The following SDK1 variants were observed in gnomAD, a reference collection of about 807,000 sequenced individuals.
SDK1 encodes the protein sidekick cell adhesion molecule 1.
A neutral mutation model predicts 245.5 loss-of-function variants in SDK1; 157 were observed. The ratio of observed to expected loss-of-function variants is 0.64; its 90% CI spans 0.56 to 0.73. SDK1 has a LOEUF of 0.73. Among genes scored for constraint, SDK1 ranks in the 30% least tolerant of loss-of-function variants. The pLI is 0.00. For synonymous variants in SDK1, 1,647 were observed against 1,278.5 expected, an observed-to-expected ratio of 1.29 and a Z score of -6.15; for missense variants, 3,583 against 3,002.3, an observed-to-expected ratio of 1.19 and a Z score of -4.52.
At chr7:4,051,600 TG>T in intron 18 of SDK1, 37 bp from the exon 19 acceptor site, 2 of 1,578,114 alleles carry the variant, frequency 1.3e-6, no homozygotes, top group Non-Finnish European at 1.7e-6. Context: ...GAAATGCCAT[TG>T]AAAACAGGCT....
rs146799752 is a variant in SDK1 at position 4,037,323 on chromosome 7, A to G, written c.2603-12025A>G. Among the ~76,000 whole-genome samples the G allele has an allele frequency of 4.5e-4, 69 of 152,292 alleles. No homozygotes were observed. The East Asian group carries it at 0.012, about 27-fold the overall frequency. ...GTGTAGCGTGAGTCTGAATCTCTCA[A>G]AAGAAATTCTTGGGCTAGGCATGGT... On this transcript the variant is annotated intron_variant, in intron 17 of 44. Coordinates refer to ENST00000404826, the MANE Select transcript of SDK1 (RefSeq NM_152744.4).
chr7:4,145,141 T>G (rs1779872027), intron 28 of SDK1, among the ~76,000 whole-genome samples: 1 of 152,068 alleles, frequency 6.6e-6, no homozygotes, highest in African/African-American at 2.4e-5. Flanking sequence ...TAAGCAGAGC[T>G]GCCCTGGCGG....
intron 1 of SDK1, among the ~76,000 whole-genome samples, chr7:3,305,661 T>A (rs181335419): frequency 6.7e-4 from 102 of 152,358 alleles, no homozygotes; most frequent in Non-Finnish European, 1.3e-3. Flanking sequence ...AATATCATCT[T>A]AATAAAGAGT....
chr7:3,972,740 C>G (rs560168358), intron 12 of SDK1, among the ~76,000 whole-genome samples: 17 of 152,278 alleles, frequency 1.1e-4, no homozygotes, highest in African/African-American at 3.8e-4. Context: ...CGCGGAGACT[C>G]GGCTGTTCTC....
chr7:3,465,089 A>C, intron 1 of SDK1, among the ~76,000 whole-genome samples: 1 of 152,168 alleles, frequency 6.6e-6, no homozygotes, highest in East Asian at 1.9e-4. Context: ...TGGTGGGGCT[A>C]ATCCGTAAGT....
chr7:3,967,132 C>T (rs1196255106), intron 9 of SDK1, among the ~76,000 whole-genome samples, 186 bp from the exon 10 acceptor site: 1 of 152,186 alleles, frequency 6.6e-6, no homozygotes, highest in African/African-American at 2.4e-5. Flanking sequence ...AGGTTGTAAA[C>T]AAAGATCGGT....
chr7:4,152,505 C>T (rs528900677), intron 30 of SDK1, among the ~76,000 whole-genome samples: 1 of 152,196 alleles, frequency 6.6e-6, no homozygotes, highest in Non-Finnish European at 1.5e-5. Flanking sequence ...AGCCACTATT[C>T]CTGAAGGCTT....
chr7:3,439,000 C>T (rs1016752680), intron 1 of SDK1, among the ~76,000 whole-genome samples: 1 of 151,776 alleles, frequency 6.6e-6, no homozygotes, highest in Non-Finnish European at 1.5e-5. Context: ...TTACTGTTGC[C>T]TGCTACCACG....
intron 1 of SDK1, among the ~76,000 whole-genome samples, chr7:3,332,371 A>T (rs1480619719): frequency 6.6e-6 from 1 of 152,082 alleles, no homozygotes; most frequent in East Asian, 1.9e-4. Context: ...TATTCCTATT[A>T]TTCTGGCATT....
chr7:4,117,120 A>G lies in SDK1; in HGVS notation c.3823+2846A>G, dbSNP rs75599942. Among the ~76,000 whole-genome samples the G allele has an allele frequency of 5.2e-3, 795 of 152,366 alleles. 3 individuals carry two copies. Among genetic ancestry groups the G allele is most frequent in the Admixed American group, 8.4e-3 (128 of 15,302 alleles). ...GCCAAGAAAATAGTTTTTCAGAATTAAAACTTCTGCCATAACCAACAAAAA... is the reference window on the plus strand; with the variant it reads ...GCCAAGAAAATAGTTTTTCAGAATTGAAACTTCTGCCATAACCAACAAAAA... On this transcript the variant is annotated intron_variant, in intron 25 of 44. Transcript: ENST00000404826.
At chr7:3,941,408 T>C (rs891999771) in intron 5 of SDK1, among the ~76,000 whole-genome samples, 1 of 152,076 alleles carries the variant, frequency 6.6e-6, no homozygotes, top group African/African-American at 2.4e-5. Flanking sequence ...TCCACACTCC[T>C]GAGTGTGGCG....
intron 5 of SDK1, among the ~76,000 whole-genome samples, chr7:3,893,524 T>C (rs1395148320): frequency 6.6e-6 from 1 of 151,996 alleles, no homozygotes; most frequent in African/African-American, 2.4e-5. Flanking sequence ...ACCTTCTGGG[T>C]CATCCCGTAT....
Position 3,722,750 on chromosome 7 carries a change from C to G in SDK1, c.713+80645C>G, listed in dbSNP as rs532949027. Among the ~76,000 whole-genome samples the G allele has an allele frequency of 2.4e-4, 37 of 152,302 alleles. No homozygotes were observed. The East Asian group carries it at 6.2e-3, about 25-fold the overall frequency. On this transcript the variant is annotated intron_variant, in intron 4 of 44. Transcript: ENST00000404826. ...TGCAGAATCCTCAGATCCGGGGACTCGCGCGGGTGGCTCAGCACCGCCCTC... is the reference window on the plus strand; with the variant it reads ...TGCAGAATCCTCAGATCCGGGGACTGGCGCGGGTGGCTCAGCACCGCCCTC...
chr7:3,325,809 C>G (rs7780498), intron 1 of SDK1, among the ~76,000 whole-genome samples: 59,558 of 151,970 alleles, frequency 0.39, 11,909 homozygotes, highest in African/African-American at 0.47. Context: ...TTCTGCTCAA[C>G]TAGTTTTTCC....
intron 13 of SDK1, among the ~76,000 whole-genome samples, chr7:3,981,343 C>T (rs1020237101): frequency 6.6e-6 from 1 of 152,182 alleles, no homozygotes; most frequent in Non-Finnish European, 1.5e-5. Context: ...CCCTCCGTCT[C>T]CTTGGGCCCC....
rs186569572 is a variant in SDK1 at position 4,049,356 on chromosome 7, G to A, written c.2611G>A (p.Ala871Thr). ...TGACTGCCCTGCCACAGTGCCCACC[G>A]CGCCCCCGCAGAACGTGCAGACGGA... ...TEYTLQGVPT[A>T]PPQNVQTEAV... The change falls in exon 18 of 45, where the codon GCG becomes ACG. Residue 871 changes from alanine to threonine, a missense_variant. By Grantham distance (58) the Ala-to-Thr change is moderately conservative. Transcript: ENST00000404826. 1.7e-4 allele frequency: 270 copies of A among 1,613,786 alleles called. 1 individual carries two copies. In the East Asian group the frequency reaches 5.2e-3, roughly 31 times the overall value.
intron 13 of SDK1, among the ~76,000 whole-genome samples, chr7:3,977,452 G>A (rs754576212): frequency 6.6e-6 from 1 of 152,208 alleles, no homozygotes; most frequent in Admixed American, 6.5e-5. Context: ...TTTTGTGTAC[G>A]CATGGGGCAG....
chr7:3,432,368 C>G (rs1319193886), intron 1 of SDK1, among the ~76,000 whole-genome samples: 1 of 151,882 alleles, frequency 6.6e-6, no homozygotes, highest in African/African-American at 2.4e-5. Context: ...TCTGTTGCTA[C>G]TAGAATTTTG....
intron 4 of SDK1, among the ~76,000 whole-genome samples, chr7:3,681,108 C>T (rs1408582746): frequency 2.0e-5 from 3 of 152,184 alleles, no homozygotes; most frequent in South Asian, 2.1e-4. Context: ...TCCCAGAGTG[C>T]TGGGATTACA....
Sources: gnomAD v4.1 joint callset for allele counts (sites outside exome capture counted in the v4.1 genomes callset) on GRCh38, gnomAD v4.1.1 for gene constraint, MANE v1.5 for transcripts, NCBI Gene and HGNC (gene_info 2026-07-23, HGNC 2026-07-21) for gene names.